CEP350: variants seen among roughly 807,000 people sequenced by gnomAD.
The protein encoded by CEP350 is centrosome-associated protein 350.
A neutral mutation model predicts 331.8 loss-of-function variants in CEP350; 126 were observed. The ratio of observed to expected loss-of-function variants is 0.38; its 90% confidence interval spans 0.33 to 0.44. The LOEUF is 0.44. Among genes scored for constraint, CEP350 ranks in the 20% least tolerant of loss-of-function variants. The pLI is 1.00. For missense variants in CEP350, 3,406 were observed against 3,634.6 expected (o/e 0.94, Z 1.62); for synonymous variants, 1,200 against 1,259.5 (o/e 0.95, Z 1.00).
At chr1:180,057,099 C>CT (rs1184545742) in intron 25 of CEP350, among the ~76,000 whole-genome samples, 1,849 of 137,664 alleles carry the variant, frequency 0.013, 36 homozygotes, top group African/African-American at 0.04. Flanking sequence ...ACTTTTCTTT[C>CT]TTTTTTTTTT....
At chr1:180,037,320 T>C (rs1007176452) in intron 17 of CEP350, among the ~76,000 whole-genome samples, 2 of 152,172 alleles carry the variant, frequency 1.3e-5, no homozygotes, top group Non-Finnish European at 2.9e-5. Context: ...TTTCCATGTT[T>C]TCTGCTTTGT....
At chr1:180,096,814 G>C (rs1024815405) in intron 36 of CEP350, among the ~76,000 whole-genome samples, 5 of 152,320 alleles carry the variant, frequency 3.3e-5, no homozygotes, top group African/African-American at 1.2e-4. Flanking sequence ...CTAGTCACAT[G>C]TTTCTTTACG....
chr1:179,978,282 G>A (rs1652021510), intron 1 of CEP350, among the ~76,000 whole-genome samples: 1 of 152,090 alleles, frequency 6.6e-6, no homozygotes, highest in Non-Finnish European at 1.5e-5. Flanking sequence ...CACAATTGTT[G>A]CACATATTCA....
intron 28 of CEP350, 101 bp from the exon 29 acceptor site, chr1:180,078,362 T>C: frequency 1.2e-6 from 1 of 801,738 alleles, no homozygotes; most frequent in East Asian, 2.7e-5. Context: ...GAGACAAAAA[T>C]GCAGTAAGTA....
At chr1:180,077,614 C>T (rs1659307272) in intron 28 of CEP350, among the ~76,000 whole-genome samples, 1 of 135,808 alleles carries the variant, frequency 7.4e-6, no homozygotes, top group African/African-American at 2.7e-5. Context: ...CTGCAGTGAC[C>T]TGTTCGTGCC....
In CEP350 at chr1:179,992,199, C is replaced by T. The variant is rs745381316; in HGVS notation, c.373C>T (p.Arg125Cys). 1.0e-5 allele frequency: 15 copies of T among 1,497,016 alleles called. No homozygotes were observed. Among genetic ancestry groups the T allele is most frequent in the Admixed American group, 2.8e-5 (1 of 35,622 alleles). The allele number at this position is 1,497,016 out of a possible 1,614,324, so 92.7% of individuals were successfully genotyped here. A position where few individuals can be genotyped will look rare whatever the true frequency, so the allele number is the denominator to read the frequency against. ...GAAGAAAAATAATCGTGTGGAATTT[C>T]GTGAACCTTTGGTTTCTTATAGGTT... is the stretch of plus-strand genomic sequence containing the variant. ...NVKKNNRVEF[R>C]EPLVSYREIH... Residue 125 changes from arginine to cysteine, a missense_variant, in exon 5 of 38, where the codon CGT (arginine) becomes TGT (cysteine). Physicochemically the swap from Arg to Cys is radical, Grantham distance 180. This residue lies in a region of CEP350 where 1,857 missense variants were observed against 1,909.2 expected (regional missense o/e 0.97). Transcript: ENST00000367607.
At chr1:180,016,102 C>A in intron 11 of CEP350, 132 bp downstream of exon 11, 2 of 1,066,876 alleles carry the variant, frequency 1.9e-6, no homozygotes, top group Admixed American at 2.4e-5. Flanking sequence ...TGGTTCATAT[C>A]TTCTGAAATT....
chr1:180,027,380 T>G (rs1356498774), intron 14 of CEP350, among the ~76,000 whole-genome samples: 1 of 152,158 alleles, frequency 6.6e-6, no homozygotes, highest in Non-Finnish European at 1.5e-5. Context: ...GTTTTGGCTT[T>G]TTTTGTTTTG....
Position 179,955,065 on chromosome 1 carries a change from C to G in CEP350, c.-91C>G, listed in dbSNP as rs991065416. Reference sequence around the variant, plus strand: ...CAGGCCGGGCAGCCCTGGGGCCGGTCGGGGCGGCGTCACTGCACCCTCCGC... The same window carrying G: ...CAGGCCGGGCAGCCCTGGGGCCGGTGGGGGCGGCGTCACTGCACCCTCCGC... On this transcript the variant is annotated 5_prime_UTR_variant, in exon 1 of 38. Coordinates refer to ENST00000367607, the MANE Select transcript of CEP350 (RefSeq NM_014810.5). 4.5e-5 allele frequency: 64 copies of G among 1,414,526 alleles called. No homozygotes were observed. The highest frequency in any genetic ancestry group is 5.2e-5 in the Non-Finnish European group (57 of 1,085,934). 87.6% of individuals were successfully genotyped at this position (1,414,526 alleles called of 1,614,324 possible). A position where few individuals can be genotyped will look rare whatever the true frequency, so the allele number is the denominator to read the frequency against.
intron 8 of CEP350, among the ~76,000 whole-genome samples, chr1:180,010,606 CT>C (rs1043402251): frequency 2.6e-4 from 37 of 144,512 alleles, no homozygotes; most frequent in Admixed American, 2.8e-4. Flanking sequence ...TTCTTTCTTT[CT>C]TTTTTTTTTT....
In CEP350 at chr1:180,095,778, G is replaced by C. The variant is rs1483752838; in HGVS notation, c.8767G>C (p.Val2923Leu). ...LLAVPHTAEEVEILVHNAAEE... is the reference protein window; with the variant it reads ...LLAVPHTAEELEILVHNAAEE... ...GGCAGTCCCCCATACTGCAGAAGAA[G>C]TAGAGATTCTTGTACATAATGCAGC... The change falls in exon 35 of 38, where the codon GTA becomes CTA. Residue 2923 changes from valine (V) to leucine (L), a missense_variant. Physicochemically the swap from Val to Leu is conservative, Grantham distance 32 (BLOSUM62 1). This residue lies in a region of CEP350 where 1,415 missense variants were observed against 1,512.3 expected (regional missense o/e 0.94). Transcript: ENST00000367607. 4.3e-6 allele frequency: 7 copies of C among 1,613,866 alleles called. No homozygotes were observed. Among genetic ancestry groups the C allele is most frequent in the African/African-American group, 1.3e-5 (1 of 74,930 alleles).
intron 1 of CEP350, among the ~76,000 whole-genome samples, chr1:179,966,018 T>C (rs745335424): frequency 6.6e-6 from 1 of 152,104 alleles, no homozygotes; most frequent in Non-Finnish European, 1.5e-5. Flanking sequence ...AAGAAAGCCT[T>C]CTCTGTACCT....
intron 16 of CEP350, 114 bp from the exon 17 acceptor site, chr1:180,036,812 G>A (rs1656384465): frequency 8.1e-7 from 1 of 1,233,508 alleles, no homozygotes; most frequent in Admixed American, 3.1e-5. Flanking sequence ...CTGAGTCCCA[G>A]TTTTTTCTAC....
At chr1:180,069,580 G>T (rs189915977) in intron 27 of CEP350, among the ~76,000 whole-genome samples, 1 of 152,088 alleles carries the variant, frequency 6.6e-6, no homozygotes, top group Non-Finnish European at 1.5e-5. Context: ...GAATTCCTAG[G>T]TCAGGAATCA....
Position 180,053,885 on chromosome 1 carries a change from T to C in CEP350, c.5125T>C (p.Leu1709=), listed in dbSNP as rs763705889. Residue 1709 remains leucine (L), a synonymous_variant, in exon 24 of 38, where the codon TTG becomes CTG. Coordinates refer to ENST00000367607, the MANE Select transcript of CEP350 (RefSeq NM_014810.5). The part of the protein sequence containing the change: ...SSLLRLREKA[L]KEKTKAELAW... Reference sequence around the variant, plus strand: ...ACTCCTGCGTCTCCGTGAAAAGGCCTTGAAGGAGAAGACTAAGGCTGAATT... The same window carrying C: ...ACTCCTGCGTCTCCGTGAAAAGGCCCTGAAGGAGAAGACTAAGGCTGAATT... 1 of 1,611,090 alleles carries C rather than the reference T, an allele frequency of 6.2e-7. No individual in the cohort carries two copies.
intron 13 of CEP350, among the ~76,000 whole-genome samples, chr1:180,023,253 C>T (rs1655449333): frequency 6.6e-6 from 1 of 151,750 alleles, no homozygotes; most frequent in Admixed American, 6.6e-5. Flanking sequence ...GCCTGGGTGA[C>T]AAAGCTGACC....
Position 180,020,916 on chromosome 1 carries a change from A to G in CEP350, c.3142A>G (p.Thr1048Ala), listed in dbSNP as rs1268786748. 6.2e-7 allele frequency: 1 copy of G among 1,612,144 alleles called. No individual in the cohort carries two copies. Among genetic ancestry groups the G allele is most frequent in the Admixed American group, 1.7e-5 (1 of 59,680 alleles). ...GCCACTTTTTGGGCACATAGGTGGT[A>G]CACAAAGCAAAGGACCATGGGAAGA... The part of the protein sequence containing the change: ...FLPLFGHIGG[T>A]QSKGPWEELA... The change falls in exon 12 of 38, where the codon ACA becomes GCA. Residue 1048 changes from threonine to alanine, a missense_variant. Around this residue, in one of 5 missense-constraint regions of CEP350, gnomAD observed 1,857 missense variants for 1,909.2 expected, o/e 0.97. Coordinates refer to ENST00000367607, the MANE Select transcript of CEP350 (RefSeq NM_014810.5).
rs764723257 is a variant in CEP350 at position 180,093,743 on chromosome 1, A to G, written c.7638A>G (p.Ala2546=). Residue 2546 remains alanine (A), a synonymous_variant, in exon 34 of 38, where the codon GCA becomes GCG. Coordinates refer to ENST00000367607, the MANE Select transcript of CEP350 (RefSeq NM_014810.5). ...GNNNGTYDGI[A]YFECKEKHGI... ...ACAATGGAACATATGATGGTATTGC[A>G]TATTTTGAGTGCAAAGAAAAGCATG... is the stretch of plus-strand genomic sequence containing the variant. 1.2e-6 allele frequency: 2 copies of G among 1,613,882 alleles called. No individual in the cohort carries two copies. The highest frequency in any genetic ancestry group is 1.7e-6 in the Non-Finnish European group (2 of 1,179,854).
chr1:180,059,934 C>T (rs543480356), intron 25 of CEP350, among the ~76,000 whole-genome samples: 23 of 151,888 alleles, frequency 1.5e-4, no homozygotes, highest in African/African-American at 4.8e-4. Flanking sequence ...AGAAAATCCA[C>T]ATAACTTAGT....
Sources: allele counts gnomAD v4.1 joint callset (sites outside exome capture counted in the v4.1 genomes callset), GRCh38; gene constraint gnomAD v4.1.1; regional missense constraint gnomAD v4.1.1; transcripts MANE v1.5; gene names NCBI Gene and HGNC (gene_info 2026-07-23, HGNC 2026-07-21).